The following SLC25A21 variants were observed in gnomAD, a reference collection of about 807,000 sequenced individuals.
SLC25A21 encodes solute carrier family 25 member 21, also known as mitochondrial 2-oxodicarboxylate carrier.
Under a neutral mutation model 43.8 loss-of-function variants are expected in SLC25A21, and 47 were observed. The observed-to-expected ratio is 1.07, with a 90% CI of 0.85 to 1.37. SLC25A21 has a LOEUF of 1.37. Among genes scored for constraint, SLC25A21 ranks in the 40% most tolerant of loss-of-function variants. The probability of loss-of-function intolerance (pLI) is 0.00; values close to 1 mark genes in which losing one functional copy is unlikely to be tolerated. For synonymous variants in SLC25A21, 131 were observed against 121.3 expected (o/e 1.08, Z -0.52); for missense variants, 352 against 350.2 (o/e 1.00, Z -0.04).
At chr14:36,941,751 G>A (rs1049537966) in intron 1 of SLC25A21, among the ~76,000 whole-genome samples, 5 of 151,572 alleles carry the variant, frequency 3.3e-5, no homozygotes, top group African/African-American at 4.8e-5. Context: ...TTTATCTCAA[G>A]AAGTAAATTA....
chr14:37,003,646 C>T (rs1308331137), intron 1 of SLC25A21, among the ~76,000 whole-genome samples: 2 of 152,186 alleles, frequency 1.3e-5, no homozygotes, highest in Non-Finnish European at 2.9e-5. Context: ...TTGAGCAAAG[C>T]AGCCAGACAT....
intron 1 of SLC25A21, among the ~76,000 whole-genome samples, chr14:36,943,339 G>A (rs532739130): frequency 6.6e-6 from 1 of 152,072 alleles, no homozygotes; most frequent in East Asian, 1.9e-4. Context: ...TTACAGGCAC[G>A]CTCCACCACA....
intron 7 of SLC25A21, among the ~76,000 whole-genome samples, chr14:36,692,644 G>A (rs1014318945): frequency 2.0e-5 from 3 of 152,142 alleles, no homozygotes; most frequent in Non-Finnish European, 2.9e-5. Flanking sequence ...TTCACCCAGC[G>A]ATATGCCAGA....
intron 1 of SLC25A21, among the ~76,000 whole-genome samples, chr14:37,109,282 G>C (rs979250019): frequency 6.6e-6 from 1 of 151,944 alleles, no homozygotes; most frequent in African/African-American, 2.4e-5. Context: ...GGAAAGTTGC[G>C]TGAAGGGATC....
At chr14:36,710,784 C>T (rs1566524527) in intron 7 of SLC25A21, among the ~76,000 whole-genome samples, 1 of 152,050 alleles carries the variant, frequency 6.6e-6, no homozygotes, top group Non-Finnish European at 1.5e-5. Context: ...TAATTATCAT[C>T]ATTGTTATTT....
At chr14:37,029,581 T>G (rs1183937411) in intron 1 of SLC25A21, among the ~76,000 whole-genome samples, 1 of 152,068 alleles carries the variant, frequency 6.6e-6, no homozygotes, top group African/African-American at 2.4e-5. Flanking sequence ...AGCACAGTAC[T>G]TACAGACAGA....
At chr14:36,816,497 CTT>C (rs373274280) in intron 2 of SLC25A21, among the ~76,000 whole-genome samples, 8,963 of 131,622 alleles carry the variant, frequency 0.068, 901 homozygotes, top group African/African-American at 0.24. Flanking sequence ...ATATTCTCCT[CTT>C]TTTTTTTTTT....
intron 1 of SLC25A21, among the ~76,000 whole-genome samples, chr14:36,972,647 G>A (rs1415684644): frequency 6.6e-6 from 1 of 152,172 alleles, no homozygotes; most frequent in African/African-American, 2.4e-5. Context: ...AGTAATTGAC[G>A]AGGGAGGTTT....
chr14:37,132,744 T>C (rs1963412027), intron 1 of SLC25A21, among the ~76,000 whole-genome samples: 1 of 152,028 alleles, frequency 6.6e-6, no homozygotes, highest in Non-Finnish European at 1.5e-5. Context: ...TATTTTTTTT[T>C]TTTAAGACAG....
chr14:36,905,999 T>C (rs1891524180), intron 1 of SLC25A21, among the ~76,000 whole-genome samples: 1 of 152,158 alleles, frequency 6.6e-6, no homozygotes, highest in Non-Finnish European at 1.5e-5. Flanking sequence ...ACCCAGGGTT[T>C]CCGTTATAAA....
chr14:37,161,071 A>G (rs538516597), intron 1 of SLC25A21, among the ~76,000 whole-genome samples: 45 of 152,148 alleles, frequency 3.0e-4, no homozygotes, highest in African/African-American at 1.0e-3. Flanking sequence ...GACTATACTT[A>G]AAATGTATTA....
At chr14:37,005,375 T>C (rs767275659) in intron 1 of SLC25A21, among the ~76,000 whole-genome samples, 1 of 152,180 alleles carries the variant, frequency 6.6e-6, no homozygotes, top group African/African-American at 2.4e-5. Flanking sequence ...CTGTAGCCAA[T>C]GTGCCATCTT....
At chr14:37,109,451 A>G (rs1193885577) in intron 1 of SLC25A21, among the ~76,000 whole-genome samples, 1 of 152,178 alleles carries the variant, frequency 6.6e-6, no homozygotes, top group Admixed American at 6.6e-5. Flanking sequence ...TAAAAATGCC[A>G]GATTTGTAGC....
rs569972112 is a variant in SLC25A21, at chr14:36,938,053, T to C, written c.71-63049A>G. On this transcript the variant is annotated intron_variant, in intron 1 of 9. Transcript: ENST00000331299. ...GCAACTCGATATAATGTTTGGCTTG[T>C]TTTTTCTTTTGGGTGCTCAGCAAAA... is the stretch of plus-strand genomic sequence containing the variant. Among the ~76,000 whole-genome samples, 4 of 152,264 alleles carry C rather than the reference T, an allele frequency of 2.6e-5. No homozygotes were observed. The East Asian group carries it at 7.7e-4, about 29-fold the overall frequency.
intron 1 of SLC25A21, among the ~76,000 whole-genome samples, chr14:37,168,279 CT>C (rs2138959091): frequency 6.6e-6 from 1 of 152,224 alleles, no homozygotes; most frequent in African/African-American, 2.4e-5. Context: ...TTATTGGCTT[CT>C]GTGATTCTCT....
At chr14:36,752,553 T>C (rs1181486343) in intron 3 of SLC25A21, among the ~76,000 whole-genome samples, 3 of 152,202 alleles carry the variant, frequency 2.0e-5, no homozygotes, top group Admixed American at 2.0e-4. Flanking sequence ...AATGGGGATA[T>C]TATACAGCCT....
At chr14:37,084,502 T>TTAGTGATAAAATGTTATTTC (rs1416511093) in intron 1 of SLC25A21, among the ~76,000 whole-genome samples, 1 of 152,254 alleles carries the variant, frequency 6.6e-6, no homozygotes, top group African/African-American at 2.4e-5. Context: ...TTAAATAATG[T>TTAGTGATAAAATGTTATTTC]TAGTGATAAA....
chr14:36,905,087 T>A (rs1284603302), intron 1 of SLC25A21, among the ~76,000 whole-genome samples: 2 of 147,536 alleles, frequency 1.4e-5, no homozygotes, highest in Non-Finnish European at 2.9e-5. Context: ...CTAAAATTGG[T>A]GCTACTGGCA....
intron 1 of SLC25A21, among the ~76,000 whole-genome samples, chr14:37,055,026 CCT>C (rs1961790198): frequency 6.6e-6 from 1 of 152,186 alleles, no homozygotes; most frequent in African/African-American, 2.4e-5. Flanking sequence ...TTGCTATAGA[CCT>C]TCATGGCTAT....
Sources: gnomAD v4.1 joint callset for allele counts (sites outside exome capture counted in the v4.1 genomes callset) on GRCh38, gnomAD v4.1.1 for gene constraint, MANE v1.5 for transcripts, NCBI Gene and HGNC (gene_info 2026-07-23, HGNC 2026-07-21) for gene names.